The following SLC14A2 variants were observed in gnomAD, a reference collection of about 807,000 sequenced individuals.
SLC14A2 encodes the protein solute carrier family 14 member 2.
Under a neutral mutation model 104.6 loss-of-function variants are expected in SLC14A2, and 91 were observed. That is an observed-to-expected ratio of 0.87 (90% CI 0.73 to 1.04). The LOEUF (loss-of-function observed/expected upper bound fraction) is 1.04. Ranked by LOEUF, SLC14A2 falls within the 50% of genes least tolerant of loss-of-function variation. SLC14A2 has a pLI of 0.00. For missense variants in SLC14A2, 1,189 were observed against 1,156.0 expected, an observed-to-expected ratio of 1.03 and a Z score of -0.41; for synonymous variants, 476 against 466.4, an observed-to-expected ratio of 1.02 and a Z score of -0.27.
chr18:45,262,076 C>T (rs2084544905), intron 1 of SLC14A2, among the ~76,000 whole-genome samples: 2 of 152,126 alleles, frequency 1.3e-5, no homozygotes, highest in Non-Finnish European at 2.9e-5. Flanking sequence ...CCTGTTGTTT[C>T]CTGACTTTTT....
At chr18:45,242,689 A>C (rs1365967114) in intron 1 of SLC14A2, among the ~76,000 whole-genome samples, 3 of 152,242 alleles carry the variant, frequency 2.0e-5, no homozygotes, top group African/African-American at 4.8e-5. Flanking sequence ...CGTATCTAAA[A>C]TTGTAAAGAA....
chr18:45,355,880 C>T (rs1197264637), intron 1 of SLC14A2, among the ~76,000 whole-genome samples: 1 of 152,060 alleles, frequency 6.6e-6, no homozygotes, highest in South Asian at 2.1e-4. Context: ...TTAAAGAGAC[C>T]TAGATGGGTT....
chr18:45,477,130 G>A (rs908781371), intron 1 of SLC14A2, among the ~76,000 whole-genome samples: 4 of 152,094 alleles, frequency 2.6e-5, no homozygotes, highest in Non-Finnish European at 4.4e-5. Flanking sequence ...TCTACTTTTG[G>A]TCTTTGATGT....
chr18:45,444,050 G>C (rs1032693368), intron 1 of SLC14A2, among the ~76,000 whole-genome samples: 3 of 152,190 alleles, frequency 2.0e-5, no homozygotes, highest in Non-Finnish European at 4.4e-5. Flanking sequence ...AAGCACAGTA[G>C]AGTAACCATT....
At chr18:45,371,501 G>T (rs1361204587) in intron 1 of SLC14A2, among the ~76,000 whole-genome samples, 1 of 152,088 alleles carries the variant, frequency 6.6e-6, no homozygotes, top group Non-Finnish European at 1.5e-5. Flanking sequence ...AATAAACAAT[G>T]ATATCATTCA....
chr18:45,539,615 G>A (rs1237065818), intron 2 of SLC14A2, among the ~76,000 whole-genome samples: 1 of 152,202 alleles, frequency 6.6e-6, no homozygotes, highest in Non-Finnish European at 1.5e-5. Flanking sequence ...CCCAGACCAT[G>A]CAGGAGAGCC....
chr18:45,499,486 T>C (rs1454078978), intron 2 of SLC14A2, among the ~76,000 whole-genome samples: 1 of 152,232 alleles, frequency 6.6e-6, no homozygotes, highest in Non-Finnish European at 1.5e-5. Context: ...TTAAAGGCTG[T>C]ATGATCTTGG....
chr18:45,526,465 T>C (rs971832086), intron 2 of SLC14A2, among the ~76,000 whole-genome samples: 3 of 152,132 alleles, frequency 2.0e-5, no homozygotes, highest in Admixed American at 6.6e-5. Flanking sequence ...CTTGGCACTA[T>C]GGATATGGAA....
intron 2 of SLC14A2, among the ~76,000 whole-genome samples, chr18:45,484,229 C>A (rs1184815617): frequency 6.6e-6 from 1 of 152,248 alleles, no homozygotes; most frequent in East Asian, 1.9e-4. Flanking sequence ...ATGAAGATGA[C>A]ACCCCCACTT....
intron 1 of SLC14A2, among the ~76,000 whole-genome samples, chr18:45,219,267 AC>A (rs2084039468): frequency 6.6e-6 from 1 of 152,162 alleles, no homozygotes; most frequent in East Asian, 1.9e-4. Context: ...AATGTAGTAA[AC>A]CCTTTTAATA....
At chr18:45,445,951 T>C (rs1026100057) in intron 1 of SLC14A2, among the ~76,000 whole-genome samples, 10 of 152,230 alleles carry the variant, frequency 6.6e-5, no homozygotes, top group African/African-American at 2.4e-4. Context: ...CTGATTATTC[T>C]ACCTTCAGAA....
At chr18:45,671,864 G>C (rs1205518051) in intron 16 of SLC14A2, among the ~76,000 whole-genome samples, 1 of 152,200 alleles carries the variant, frequency 6.6e-6, no homozygotes, top group Non-Finnish European at 1.5e-5. Context: ...GCCTTGGCTA[G>C]ACCCTCCAAA....
chr18:45,403,759 GATGAATGA>G (rs57905800), intron 1 of SLC14A2, among the ~76,000 whole-genome samples: 3 of 135,096 alleles, frequency 2.2e-5, no homozygotes, highest in African/African-American at 8.9e-5. Flanking sequence ...TTTAATCAGT[GATGAATGA>G]ATGAATGAAT....
chr18:45,439,117 T>C lies in SLC14A2; in HGVS notation c.-124-44116T>C, dbSNP rs894441273. Among the ~76,000 whole-genome samples the C allele has an allele frequency of 2.6e-5, 4 of 152,220 alleles. No individual in the cohort carries two copies. In the South Asian group the frequency reaches 6.2e-4, roughly 24 times the overall value. ...CTAGGCAATATGGCCAGGTGCCATC[T>C]CTATAAAAATAAAAATTAAAAAATT... On this transcript the variant is annotated intron_variant, in intron 1 of 20. Coordinates refer to the SLC14A2 transcript ENST00000586448.
At chr18:45,187,762 T>TGAA in the SLC14A2 span, among the ~76,000 whole-genome samples, 1 of 151,268 alleles carries the variant, frequency 6.6e-6, no homozygotes, top group Non-Finnish European at 1.5e-5. Context: ...CTGCTTCTGG[T>TGAA]AAAAAAATAA....
intron 1 of SLC14A2, among the ~76,000 whole-genome samples, chr18:45,397,009 T>G (rs1033971384): frequency 1.5e-4 from 23 of 152,230 alleles, no homozygotes; most frequent in Non-Finnish European, 1.5e-5. Context: ...ATTCTTTTTA[T>G]GGTGACATAG....
intron 1 of SLC14A2, among the ~76,000 whole-genome samples, chr18:45,270,980 G>T (rs1468210149): frequency 6.6e-6 from 1 of 152,162 alleles, no homozygotes; most frequent in South Asian, 2.1e-4. Context: ...CTTTCAGCAG[G>T]ATATCAGTAA....
At chr18:45,168,033 CAG>C in the SLC14A2 span, among the ~76,000 whole-genome samples, 1 of 152,186 alleles carries the variant, frequency 6.6e-6, no homozygotes, top group Non-Finnish European at 1.5e-5. Context: ...GCCAGCTCGA[CAG>C]AGAGCCAGTT....
intron 1 of SLC14A2, among the ~76,000 whole-genome samples, chr18:45,403,776 A>ATGAATGAATGAG (rs1555682873): frequency 0.075 from 11,376 of 152,088 alleles, 553 homozygotes; most frequent in Admixed American, 0.12. Context: ...GAATGAATGA[A>ATGAATGAATGAG]TGAATGAATA....
Sources: allele counts gnomAD v4.1 joint callset (sites outside exome capture counted in the v4.1 genomes callset), GRCh38; gene constraint gnomAD v4.1.1; transcripts MANE v1.5; gene names NCBI Gene and HGNC (gene_info 2026-07-23, HGNC 2026-07-21).